The following CDK5RAP2 variants were observed in gnomAD, a reference collection of about 807,000 sequenced individuals.
CDK5RAP2 encodes CDK5 regulatory subunit associated protein 2.
In CDK5RAP2, 147 loss-of-function variants were observed where a neutral mutation model predicts 232.9. That is an observed-to-expected ratio of 0.63 (90% CI 0.55 to 0.72). CDK5RAP2 has a LOEUF of 0.72. Among genes scored for constraint, CDK5RAP2 ranks in the 30% least tolerant of loss-of-function variants. The pLI, the probability that CDK5RAP2 is intolerant of heterozygous loss-of-function variation, is 0.00. For synonymous variants in CDK5RAP2, 833 were observed against 833.7 expected, an observed-to-expected ratio of 1.00 and a Z score of 0.01; for missense variants, 2,195 against 2,231.5, an observed-to-expected ratio of 0.98 and a Z score of 0.33.
intron 1 of CDK5RAP2, among the ~76,000 whole-genome samples, chr9:120,575,899 C>T (rs1055771221): frequency 7.9e-5 from 12 of 152,228 alleles, no homozygotes; most frequent in African/African-American, 2.4e-4. Flanking sequence ...ATGATGTTTT[C>T]ATGACAGTAC....
chr9:120,575,780 C>T (rs563826991), intron 1 of CDK5RAP2, among the ~76,000 whole-genome samples: 1 of 152,326 alleles, frequency 6.6e-6, no homozygotes, highest in South Asian at 2.1e-4. Flanking sequence ...ACTTCCAGAA[C>T]TTTTTATGTG....
intron 14 of CDK5RAP2, 118 bp downstream of exon 14, chr9:120,487,176 G>T: frequency 9.3e-7 from 1 of 1,077,536 alleles, no homozygotes; most frequent in Non-Finnish European, 1.4e-6. Flanking sequence ...CCTGTTGTAG[G>T]CTCAGTTACC....
intron 12 of CDK5RAP2, chr9:120,517,910 A>T (rs572547853): frequency 6.4e-6 from 2 of 312,838 alleles, no homozygotes; most frequent in African/African-American, 4.3e-5. Context: ...AACAACAAAG[A>T]ATCAGTGGAT....
In CDK5RAP2 at chr9:120,544,921, C is replaced by G. The variant is rs191022526; in HGVS notation, c.383+793G>C. 1.2e-4 allele frequency among the ~76,000 whole-genome samples: 19 copies of G among 152,162 alleles called. 1 individual carries two copies. Among genetic ancestry groups the G allele is most frequent in the South Asian group, 6.2e-4 (3 of 4,816 alleles). On this transcript the variant is annotated intron_variant, in intron 5 of 37. Coordinates refer to ENST00000349780, the MANE Select transcript of CDK5RAP2 (RefSeq NM_018249.6). ...CAGATCTTCGGGCAGATGTTAGACT[C>G]GAAATACTTGTGTATTTCACAAGTT...
chr9:120,453,973 A>C, intron 20 of CDK5RAP2, 100 bp from the exon 21 acceptor site: 1 of 1,217,326 alleles, frequency 8.2e-7, no homozygotes, highest in Non-Finnish European at 1.2e-6. Context: ...TGTTGCCCAG[A>C]TTCCATCAAA....
At chr9:120,520,993 A>G (rs1161425983) in intron 11 of CDK5RAP2, among the ~76,000 whole-genome samples, 1 of 152,044 alleles carries the variant, frequency 6.6e-6, no homozygotes, top group East Asian at 1.9e-4. Flanking sequence ...CATGAGATGT[A>G]TCTCATATAT....
In CDK5RAP2 at chr9:120,477,366, G is replaced by A. The variant is rs1432978609; in HGVS notation, c.1711C>T (p.Leu571=). The A allele has an allele frequency of 1.2e-6, 2 of 1,613,474 alleles. No homozygotes were observed. The highest frequency in any genetic ancestry group is 8.5e-7 in the Non-Finnish European group (1 of 1,179,584). The change falls in exon 15 of 38, where the codon CTG becomes TTG. Residue 571 remains leucine (L), a synonymous_variant. Coordinates refer to ENST00000349780, the MANE Select transcript of CDK5RAP2 (RefSeq NM_018249.6). ...QDIYTHLVKS[L]QESDSINNLQ... ...AACGCTTACCTGTCTGATTCCTGCA[G>A]AGATTTGACCAGATGGGTATAGATG...
intron 27 of CDK5RAP2, among the ~76,000 whole-genome samples, chr9:120,415,485 G>A (rs1356648480): frequency 6.6e-6 from 1 of 152,110 alleles, no homozygotes; most frequent in African/African-American, 2.4e-5. Context: ...TCTTCCTTAT[G>A]GTGAAACTAA....
chr9:120,577,842 C>A (rs773076163), intron 1 of CDK5RAP2, among the ~76,000 whole-genome samples: 6 of 152,154 alleles, frequency 3.9e-5, no homozygotes, highest in Non-Finnish European at 7.3e-5. Flanking sequence ...GACCCCAAAA[C>A]CCAAGTGTCT....
chr9:120,477,525 T>C, intron 14 of CDK5RAP2, 75 bp from the exon 15 acceptor site: 1 of 1,126,644 alleles, frequency 8.9e-7, no homozygotes, highest in Non-Finnish European at 1.3e-6. Flanking sequence ...TGCAAACATA[T>C]GTAGCTAGTC....
intron 36 of CDK5RAP2, 34 bp from the exon 37 acceptor site, chr9:120,389,821 C>A (rs2297457): frequency 6.2e-7 from 1 of 1,605,436 alleles, no homozygotes; most frequent in Admixed American, 1.7e-5. Context: ...ATGATTAGGG[C>A]CATGGATATC....
At chr9:120,405,297 C>T (rs534843567) in intron 32 of CDK5RAP2, among the ~76,000 whole-genome samples, 1 of 152,312 alleles carries the variant, frequency 6.6e-6, no homozygotes, top group South Asian at 2.1e-4. Flanking sequence ...GATCTTGACT[C>T]AAGGAAATTA....
intron 22 of CDK5RAP2, among the ~76,000 whole-genome samples, chr9:120,446,919 C>G (rs1396846750): frequency 6.6e-6 from 1 of 152,274 alleles, no homozygotes; most frequent in African/African-American, 2.4e-5. Flanking sequence ...CTGCTTCATT[C>G]TTTTCCACGG....
In CDK5RAP2 at chr9:120,499,361, T is replaced by C. The variant is rs914931292; in HGVS notation, c.1312-7884A>G. On this transcript the variant is annotated intron_variant, in intron 12 of 37. Transcript: ENST00000349780. ...GTACTATTCTCTCTCCTTTTGTGGG[T>C]ATTTGAATTTTCCATAATGAGCAGG... Among the ~76,000 whole-genome samples, 5 of 152,202 alleles carry C rather than the reference T, an allele frequency of 3.3e-5. No individual in the cohort carries two copies. The East Asian group carries it at 9.6e-4, about 29-fold the overall frequency.
chr9:120,391,589 A>G (rs2031984135), intron 36 of CDK5RAP2, among the ~76,000 whole-genome samples: 1 of 152,198 alleles, frequency 6.6e-6, no homozygotes, highest in Admixed American at 6.5e-5. Flanking sequence ...CGCTTTGCAA[A>G]TGAGGACCTG....
chr9:120,473,568 T>A (rs2037840353), intron 15 of CDK5RAP2, among the ~76,000 whole-genome samples: 1 of 152,230 alleles, frequency 6.6e-6, no homozygotes, highest in Non-Finnish European at 1.5e-5. Flanking sequence ...ATGTCTAATC[T>A]TCTATGCTTG....
intron 4 of CDK5RAP2, among the ~76,000 whole-genome samples, chr9:120,546,175 T>G (rs566060582): frequency 6.6e-6 from 1 of 152,306 alleles, no homozygotes; most frequent in South Asian, 2.1e-4. Flanking sequence ...TTACTGGTGG[T>G]TGTTTACAAT....
chr9:120,460,452 G>C lies in CDK5RAP2; in HGVS notation c.2202+120C>G, dbSNP rs144900748. Reference sequence around the variant, plus strand: ...TAGTCTTTGCTTTCCACTGGCACATGAAAGGTACAGGATATAGGCAGAATG... The same window carrying C: ...TAGTCTTTGCTTTCCACTGGCACATCAAAGGTACAGGATATAGGCAGAATG... On this transcript the variant is annotated intron_variant, in intron 19 of 37. Coordinates refer to ENST00000349780, the MANE Select transcript of CDK5RAP2 (RefSeq NM_018249.6). 1.6e-4 allele frequency: 143 copies of C among 903,178 alleles called. No homozygotes were observed. The African/African-American group carries it at 2.2e-3, about 14-fold the overall frequency. The allele number at this position is 903,178 out of a possible 1,614,324, so 55.9% of individuals were successfully genotyped here. A position where few individuals can be genotyped will look rare whatever the true frequency, so the allele number is the denominator to read the frequency against.
chr9:120,460,241 C>T (rs2131451672), intron 19 of CDK5RAP2, among the ~76,000 whole-genome samples: 1 of 152,348 alleles, frequency 6.6e-6, no homozygotes, highest in South Asian at 2.1e-4. Context: ...CATCAGTCCT[C>T]AAAGCCTTCA....
Sources: allele counts gnomAD v4.1 joint callset (sites outside exome capture counted in the v4.1 genomes callset), GRCh38; gene constraint gnomAD v4.1.1; transcripts MANE v1.5; gene names NCBI Gene and HGNC (gene_info 2026-07-23, HGNC 2026-07-21).